SYT2: variants seen among roughly 807,000 people sequenced by gnomAD.
SYT2 encodes the protein synaptotagmin-2.
In SYT2, 15 loss-of-function variants were observed where a neutral mutation model predicts 39.9. The ratio of observed to expected loss-of-function variants is 0.38; its 90% CI spans 0.25 to 0.58. The LOEUF (loss-of-function observed/expected upper bound fraction) is 0.58, where lower values mean the gene tolerates loss of function less well. Among genes scored for constraint, SYT2 ranks in the 20% least tolerant of loss-of-function variants. The pLI is 0.70. For synonymous variants in SYT2, 181 were observed against 204.5 expected, an observed-to-expected ratio of 0.89 and a Z score of 0.98; for missense variants, 389 against 530.3, an observed-to-expected ratio of 0.73 and a Z score of 2.62.
intron 1 of SYT2, among the ~76,000 whole-genome samples, chr1:202,698,136 G>C (rs577856518): frequency 5.3e-5 from 8 of 151,992 alleles, no homozygotes; most frequent in Non-Finnish European, 7.4e-5. Flanking sequence ...AGTTCACTCT[G>C]CTCAAGTGAC....
chr1:202,709,845 C>T (rs553108882), intron 1 of SYT2, among the ~76,000 whole-genome samples: 71 of 152,312 alleles, frequency 4.7e-4, no homozygotes, highest in Non-Finnish European at 9.7e-4. Context: ...GCAAAAGAAC[C>T]TTCCTTGGAG....
At position 202,623,040 on chromosome 1, in the gene SYT2, C is replaced by G. The variant is rs537138882; in HGVS notation, c.-17-17251G>C. Reference sequence around the variant, plus strand: ...GCCTTTGTCGCCCCTCAGGCCACCCCACCAAGCCCTGGCTCCATTTGATCC... The same window carrying G: ...GCCTTTGTCGCCCCTCAGGCCACCCGACCAAGCCCTGGCTCCATTTGATCC... On this transcript the variant is annotated intron_variant, in intron 1 of 8. Transcript: ENST00000367268. This position sits in a 1 kb window ranked among gnomAD's most constrained non-coding sequence, Gnocchi z 4.2. Among the ~76,000 whole-genome samples, 1 of 152,182 alleles carries G rather than the reference C, an allele frequency of 6.6e-6. No individual in the cohort carries two copies. The highest frequency in any genetic ancestry group is 2.4e-5 in the African/African-American group (1 of 41,440).
intron 1 of SYT2, among the ~76,000 whole-genome samples, chr1:202,697,772 C>T (rs1654010787): frequency 6.6e-6 from 1 of 152,198 alleles, no homozygotes; most frequent in African/African-American, 2.4e-5. Flanking sequence ...ATATGTATGT[C>T]AGATCATTAC....
At chr1:202,664,399 C>T (rs1352989278) in intron 1 of SYT2, among the ~76,000 whole-genome samples, 3 of 152,180 alleles carry the variant, frequency 2.0e-5, no homozygotes, top group South Asian at 2.1e-4. Flanking sequence ...ATAATACATA[C>T]ATGCAATGAA....
intron 1 of SYT2, among the ~76,000 whole-genome samples, chr1:202,618,329 CAGTT>C (rs1004717510): frequency 1.3e-5 from 2 of 151,996 alleles, no homozygotes; most frequent in African/African-American, 4.8e-5. Flanking sequence ...TGTTAAGACT[CAGTT>C]GTCATCAGGC....
chr1:202,693,194 A>T (rs574176983), intron 1 of SYT2, among the ~76,000 whole-genome samples: 1 of 152,148 alleles, frequency 6.6e-6, no homozygotes, highest in Non-Finnish European at 1.5e-5. Context: ...CATGGCTTGC[A>T]TTTCTAAATA....
rs777304720 is a variant in SYT2 at position 202,605,749 on chromosome 1, G to A, written c.24C>T (p.Asn8=). The part of the protein sequence containing the change: MRNIFKR[N]QEPIVAPATT... ...TGGCAGGAGCCACAATAGGCTCCTG[G>A]TTCCTCTTGAAAATGTTCCTCATGG... Residue 8 remains asparagine, a synonymous_variant, in exon 2 of 9, where the codon AAC becomes AAT. Transcript: ENST00000367268. 1 of 1,614,118 alleles carries A rather than the reference G, an allele frequency of 6.2e-7. No homozygotes were observed. The highest frequency in any genetic ancestry group is 1.1e-5 in the South Asian group (1 of 91,082).
chr1:202,658,265 TG>T (rs1572662430), intron 1 of SYT2, among the ~76,000 whole-genome samples: 1 of 152,138 alleles, frequency 6.6e-6, no homozygotes, highest in African/African-American at 2.4e-5. Flanking sequence ...CTGCACTGGA[TG>T]GTGCCAGGAG....
chr1:202,602,672 G>T, intron 4 of SYT2, 127 bp from the exon 5 acceptor site: 1 of 940,304 alleles, frequency 1.1e-6, no homozygotes, highest in South Asian at 1.7e-5. Flanking sequence ...ATGGCGGGAG[G>T]CTGGTGCTAG....
intron 1 of SYT2, among the ~76,000 whole-genome samples, chr1:202,633,167 C>T (rs1691642729): frequency 6.6e-6 from 1 of 152,098 alleles, no homozygotes; most frequent in African/African-American, 2.4e-5. Context: ...GGAATCATGA[C>T]CTAGGGGAAG....
At chr1:202,678,606 C>T (rs566743615) in intron 1 of SYT2, among the ~76,000 whole-genome samples, 3 of 152,266 alleles carry the variant, frequency 2.0e-5, no homozygotes, top group East Asian at 3.9e-4. Flanking sequence ...GGGCTTCCCC[C>T]CTCCCTATAG....
chr1:202,596,733 G>C lies in SYT2; in HGVS notation c.*24C>G. On this transcript the variant is annotated 3_prime_UTR_variant, in exon 9 of 9. Transcript: ENST00000367268. ...TGGATCTTGTCAGTGTCCGTGAAAG[G>C]TGTGGGGTCCCAGCCGCTGCTGTCT... 6.2e-7 allele frequency: 1 copy of C among 1,604,742 alleles called. No homozygotes were observed. The highest frequency in any genetic ancestry group is 1.1e-5 in the South Asian group (1 of 90,340).
intron 1 of SYT2, chr1:202,643,488 C>A (rs2149098646): frequency 6.6e-6 from 1 of 152,590 alleles, no homozygotes; most frequent in Non-Finnish European, 1.5e-5. Context: ...GTAGTAACAA[C>A]CTGATCCCGC....
intron 1 of SYT2, among the ~76,000 whole-genome samples, chr1:202,675,478 T>A (rs1395413042): frequency 6.6e-6 from 1 of 151,872 alleles, no homozygotes; most frequent in Non-Finnish European, 1.5e-5. Context: ...GGGACCACAG[T>A]TGAGTTGGGA....
At chr1:202,607,383 T>C (rs1182578573) in intron 1 of SYT2, among the ~76,000 whole-genome samples, 1 of 152,196 alleles carries the variant, frequency 6.6e-6, no homozygotes, top group East Asian at 1.9e-4. Context: ...TACAGTATTT[T>C]TAAATTAAAA....
intron 1 of SYT2, among the ~76,000 whole-genome samples, chr1:202,652,572 C>A (rs1269035634): frequency 6.6e-6 from 1 of 152,228 alleles, no homozygotes; most frequent in Non-Finnish European, 1.5e-5. Flanking sequence ...AAGCAGGAGG[C>A]AGCTTGCTGC....
intron 1 of SYT2, chr1:202,639,883 C>G (rs1691851231): frequency 1.0e-6 from 1 of 965,898 alleles, no homozygotes; most frequent in African/African-American, 1.8e-5. Context: ...GAACTGTATC[C>G]CTGCTCCTCC....
intron 1 of SYT2, among the ~76,000 whole-genome samples, chr1:202,685,458 TAA>T (rs1177445248): frequency 1.3e-5 from 2 of 152,218 alleles, no homozygotes; most frequent in East Asian, 3.9e-4. Flanking sequence ...TCCAGAATTC[TAA>T]AGTCACCAAT....
intron 1 of SYT2, chr1:202,627,459 C>G: frequency 2.0e-6 from 2 of 985,394 alleles, no homozygotes; most frequent in Non-Finnish European, 2.4e-6. Context: ...AAAGAGGCAC[C>G]CTGTCTAGGT....
Sources: gnomAD v4.1 joint callset for allele counts (sites outside exome capture counted in the v4.1 genomes callset) on GRCh38, gnomAD v4.1.1 for gene constraint, Gnocchi (gnomAD v3.1) non-coding constraint, MANE v1.5 for transcripts, NCBI Gene and HGNC (gene_info 2026-07-23, HGNC 2026-07-21) for gene names.